Variants in DAB1 observed in about 807,000 individuals in gnomAD.
The protein encoded by DAB1 is disabled homolog 1.
In DAB1, 15 loss-of-function variants were observed where a neutral mutation model predicts 64.6. That is an observed-to-expected ratio of 0.23 (90% CI 0.16 to 0.36). DAB1 has a LOEUF of 0.36. Ranked by LOEUF, DAB1 falls within the 10% of genes least tolerant of loss-of-function variation. The pLI is 1.00. For synonymous variants in DAB1, 235 were observed against 251.9 expected (o/e 0.93, Z 0.64); for missense variants, 596 against 706.7 (o/e 0.84, Z 1.78).
At chr1:58,516,683 T>C (rs1291191125) in intron 2 of DAB1, among the ~76,000 whole-genome samples, 1 of 152,140 alleles carries the variant, frequency 6.6e-6, no homozygotes, top group Non-Finnish European at 1.5e-5. Flanking sequence ...ATGAGTAACA[T>C]CGTTTTTGTG....
chr1:58,203,355 C>T (rs1000778442), intron 4 of DAB1, among the ~76,000 whole-genome samples: 3 of 152,170 alleles, frequency 2.0e-5, no homozygotes, highest in Non-Finnish European at 4.4e-5. Flanking sequence ...TTGCAACAAA[C>T]CAAGACATAG....
intron 4 of DAB1, among the ~76,000 whole-genome samples, chr1:58,288,041 A>AAAAAAAAAAAAAAAAAAG (rs1557723010): frequency 1.4e-5 from 2 of 145,832 alleles, no homozygotes; most frequent in African/African-American, 5.0e-5. Flanking sequence ...AAAAAAAAAA[A>AAAAAAAAAAAAAAAAAAG]AAAAGAAAAA....
At chr1:57,474,557 G>T (rs745908525) in intron 7 of DAB1, among the ~76,000 whole-genome samples, 5 of 152,088 alleles carry the variant, frequency 3.3e-5, no homozygotes, top group Non-Finnish European at 7.4e-5. Context: ...CAGACTCTGG[G>T]GGTTAGGAAA....
At chr1:58,279,559 A>T (rs1661510379) in intron 4 of DAB1, among the ~76,000 whole-genome samples, 1 of 152,218 alleles carries the variant, frequency 6.6e-6, no homozygotes, top group African/African-American at 2.4e-5. Flanking sequence ...CAGATAAAGC[A>T]ACTGAGTTTC....
At chr1:57,749,248 G>A (rs1237087783) in intron 6 of DAB1, among the ~76,000 whole-genome samples, 2 of 152,218 alleles carry the variant, frequency 1.3e-5, no homozygotes, top group Non-Finnish European at 2.9e-5. Context: ...CCGACAGCCA[G>A]TGAAACTAAG....
chr1:58,246,701 C>T (rs1481077966), intron 4 of DAB1, among the ~76,000 whole-genome samples: 2 of 151,856 alleles, frequency 1.3e-5, no homozygotes, highest in South Asian at 2.1e-4. Flanking sequence ...ATGTCTAATG[C>T]TGTGTATATG....
intron 4 of DAB1, among the ~76,000 whole-genome samples, chr1:57,075,770 C>T (rs1488287382): frequency 1.3e-5 from 2 of 152,148 alleles, no homozygotes; most frequent in Non-Finnish European, 2.9e-5. Flanking sequence ...CAATACTAAA[C>T]CCAGGTGTTT....
intron 6 of DAB1, among the ~76,000 whole-genome samples, chr1:57,698,213 A>G (rs1328404172): frequency 1.3e-5 from 2 of 151,816 alleles, no homozygotes; most frequent in Non-Finnish European, 2.9e-5. Context: ...CACCCTCTCA[A>G]GTAGCTGGGA....
intron 2 of DAB1, among the ~76,000 whole-genome samples, chr1:57,174,865 G>A (rs575768633): frequency 6.6e-6 from 1 of 152,238 alleles, no homozygotes; most frequent in African/African-American, 2.4e-5. Context: ...AGTTGGGATA[G>A]TATATAATTA....
At chr1:57,238,035 A>G (rs1052603627) in intron 2 of DAB1, among the ~76,000 whole-genome samples, 1 of 152,120 alleles carries the variant, frequency 6.6e-6, no homozygotes, top group African/African-American at 2.4e-5. Flanking sequence ...AGTGGTGCTG[A>G]ATACTGGGTG....
chr1:57,206,522 G>A (rs1165125963), intron 2 of DAB1, among the ~76,000 whole-genome samples: 3 of 152,210 alleles, frequency 2.0e-5, no homozygotes, highest in African/African-American at 7.2e-5. Context: ...CAGGTCGCAT[G>A]TGCCTCCTCG....
chr1:57,297,841 A>T (rs1453521477), intron 1 of DAB1, among the ~76,000 whole-genome samples: 1 of 152,144 alleles, frequency 6.6e-6, no homozygotes, highest in East Asian at 1.9e-4. Flanking sequence ...TGAGTTTAAA[A>T]TTATTTTATG....
intron 4 of DAB1, among the ~76,000 whole-genome samples, chr1:58,304,844 A>G (rs184888177): frequency 6.6e-6 from 1 of 152,018 alleles, no homozygotes. Flanking sequence ...AACGATGATC[A>G]TTTCTGTATT....
chr1:57,531,341 C>T (rs1472804481), intron 7 of DAB1, among the ~76,000 whole-genome samples: 1 of 152,084 alleles, frequency 6.6e-6, no homozygotes, highest in Non-Finnish European at 1.5e-5. Flanking sequence ...CACTACCCAC[C>T]GAAATCCTAT....
chr1:57,372,445 A>AT (rs1241859689), intron 1 of DAB1, among the ~76,000 whole-genome samples: 4 of 152,162 alleles, frequency 2.6e-5, no homozygotes, highest in African/African-American at 9.7e-5. Flanking sequence ...CAATATTCCA[A>AT]TTTGGAATTT....
intron 2 of DAB1, among the ~76,000 whole-genome samples, chr1:57,252,985 C>T (rs897881110): frequency 1.3e-5 from 2 of 152,222 alleles, no homozygotes; most frequent in Non-Finnish European, 2.9e-5. Flanking sequence ...GCAGTCCATA[C>T]AACGGAGACA....
chr1:57,033,549 CA>C, intron 9 of DAB1: 1 of 1,612,762 alleles, frequency 6.2e-7, no homozygotes, highest in East Asian at 2.2e-5. Context: ...AACCGTTCTT[CA>C]AAATCCTCAA....
chr1:57,578,292 C>A (rs533030254), intron 7 of DAB1, among the ~76,000 whole-genome samples: 1 of 152,296 alleles, frequency 6.6e-6, no homozygotes, highest in South Asian at 2.1e-4. Flanking sequence ...GTCCACTGTG[C>A]AGGTCTTGGA....
At chr1:58,080,901 T>A (rs1474098096) in intron 5 of DAB1, among the ~76,000 whole-genome samples, 1 of 152,260 alleles carries the variant, frequency 6.6e-6, no homozygotes, top group Admixed American at 6.5e-5. Flanking sequence ...ATTCCCATTA[T>A]CTGCAGTCCT....
Sources: gnomAD v4.1 joint callset for allele counts (sites outside exome capture counted in the v4.1 genomes callset) on GRCh38, gnomAD v4.1.1 for gene constraint, MANE v1.5 for transcripts, NCBI Gene and HGNC (gene_info 2026-07-23, HGNC 2026-07-21) for gene names.